Variants in CELF2 observed in about 807,000 individuals in gnomAD.
CELF2 encodes the protein CUGBP Elav-like family member 2.
CELF2 carries 8 observed loss-of-function variants against 62.6 expected under a neutral mutation model. That is an observed-to-expected ratio of 0.13 (90% CI 0.07 to 0.23). The LOEUF is 0.23. Among genes scored for constraint, CELF2 ranks in the 10% least tolerant of loss-of-function variants. The probability of loss-of-function intolerance (pLI) is 1.00; values close to 1 mark genes in which losing one functional copy is unlikely to be tolerated. For missense variants in CELF2, 333 were observed against 671.0 expected, an observed-to-expected ratio of 0.50 and a Z score of 5.56; for synonymous variants, 258 against 250.0, an observed-to-expected ratio of 1.03 and a Z score of -0.30.
chr10:10,741,419 G>A, the CELF2 span, among the ~76,000 whole-genome samples: 1 of 143,706 alleles, frequency 7.0e-6, no homozygotes, highest in Admixed American at 7.4e-5. Flanking sequence ...GCTGAGGAAG[G>A]AGAATTGCTT....
intron 4 of CELF2, among the ~76,000 whole-genome samples, chr10:11,251,620 C>T (rs1377835966): frequency 1.3e-5 from 2 of 152,028 alleles, no homozygotes; most frequent in East Asian, 1.9e-4. Flanking sequence ...GACCCGACTC[C>T]ACGCTTGTTG....
the CELF2 span, among the ~76,000 whole-genome samples, chr10:10,641,581 C>T: frequency 2.6e-5 from 4 of 152,094 alleles, no homozygotes; most frequent in Admixed American, 2.6e-4. Context: ...GCTGGGATTA[C>T]AGGAGACCGC....
intron 1 of CELF2, among the ~76,000 whole-genome samples, chr10:11,090,568 T>G (rs901076405): frequency 6.6e-6 from 1 of 152,324 alleles, no homozygotes; most frequent in Admixed American, 6.5e-5. Context: ...AATTTGGAAA[T>G]GTACATATTG....
In CELF2 at chr10:11,005,856, C is replaced by G. The variant is rs768004053; in HGVS notation, c.53+416C>G. Among the ~76,000 whole-genome samples the G allele has an allele frequency of 6.6e-6, 1 of 152,170 alleles. No individual in the cohort carries two copies. The highest frequency in any genetic ancestry group is 1.5e-5 in the Non-Finnish European group (1 of 68,032). ...CTGAGGAGACTCCATATTAGACTTGCGTTCCAAATACCGCTCTAATCTGGA... is the reference window on the plus strand; with the variant it reads ...CTGAGGAGACTCCATATTAGACTTGGGTTCCAAATACCGCTCTAATCTGGA... On this transcript the variant is annotated intron_variant, in intron 1 of 12. Transcript: ENST00000416382. The surrounding 1 kb of genome is among the most constrained non-coding windows in gnomAD (Gnocchi z 4.3).
the CELF2 span, among the ~76,000 whole-genome samples, chr10:10,653,409 T>C: frequency 1.1e-4 from 16 of 148,320 alleles, no homozygotes; most frequent in Non-Finnish European, 1.9e-4. Context: ...ATCAACAGAA[T>C]ATACAATTTT....
chr10:10,900,716 C>T (rs958479925), intron 1 of CELF2, among the ~76,000 whole-genome samples: 5 of 151,848 alleles, frequency 3.3e-5, no homozygotes, highest in African/African-American at 7.3e-5. Flanking sequence ...GTAGCCAGCG[C>T]GGTCAGAAAG....
chr10:11,156,173 C>A lies in CELF2; in HGVS notation c.75-9313C>A, dbSNP rs538203131. ...GTGGCTGTTCAGGGACAAGTGGACCCAGCGGGCATTTGGAGAAAAATAGGC... is the reference window on the plus strand; with the variant it reads ...GTGGCTGTTCAGGGACAAGTGGACCAAGCGGGCATTTGGAGAAAAATAGGC... On this transcript the variant is annotated intron_variant, in intron 1 of 12. Transcript: ENST00000633077. The surrounding 1 kb of genome is among the most constrained non-coding windows in gnomAD (Gnocchi z 4.3). 6.6e-6 allele frequency among the ~76,000 whole-genome samples: 1 copy of A among 152,190 alleles called. No individual in the cohort carries two copies. Among genetic ancestry groups the A allele is most frequent in the South Asian group, 2.1e-4 (1 of 4,820 alleles).
rs1320264988 is a variant in CELF2, at chr10:11,335,064, T to G, written c.*6011T>G. On this transcript the variant is annotated 3_prime_UTR_variant, in exon 13 of 13. Coordinates refer to ENST00000633077, the MANE Select transcript of CELF2 (RefSeq NM_001326342.2). The surrounding 1 kb of genome is among the most constrained non-coding windows in gnomAD (Gnocchi z 5.0). ...CGGTGGAGGCAGGGGGAGGTAAAGT[T>G]TCTCACACTCAAGTCGTCTTCATAG... is the stretch of plus-strand genomic sequence containing the variant. 6.6e-6 allele frequency: 1 copy of G among 152,152 alleles called. No homozygotes were observed. Among genetic ancestry groups the G allele is most frequent in the Non-Finnish European group, 1.5e-5 (1 of 68,026 alleles). 9.4% of individuals were successfully genotyped at this position (152,152 alleles called of 1,614,324 possible). A position where few individuals can be genotyped will look rare whatever the true frequency, so the allele number is the denominator to read the frequency against.
chr10:10,728,010 G>A, the CELF2 span, among the ~76,000 whole-genome samples: 2 of 152,070 alleles, frequency 1.3e-5, no homozygotes, highest in Non-Finnish European at 2.9e-5. Context: ...CTAGCCACAG[G>A]TAGAGGTGTC....
At chr10:11,151,368 GA>G (rs1372460985) in intron 1 of CELF2, among the ~76,000 whole-genome samples, 1 of 152,200 alleles carries the variant, frequency 6.6e-6, no homozygotes, top group Non-Finnish European at 1.5e-5. Flanking sequence ...GGATAACTGG[GA>G]AAGAGACGAG....
At chr10:11,250,489 G>T (rs1330748336) in intron 4 of CELF2, among the ~76,000 whole-genome samples, 1 of 152,182 alleles carries the variant, frequency 6.6e-6, no homozygotes, top group Non-Finnish European at 1.5e-5. Flanking sequence ...ACCAGAAGTT[G>T]TCAAATCCGC....
At chr10:11,088,935 A>G (rs915360732) in intron 1 of CELF2, among the ~76,000 whole-genome samples, 1 of 152,184 alleles carries the variant, frequency 6.6e-6, no homozygotes, top group African/African-American at 2.4e-5. Flanking sequence ...GGAGCTGGTG[A>G]CTGAAGCACA....
chr10:11,151,305 C>T (rs1281012775), intron 1 of CELF2, among the ~76,000 whole-genome samples: 3 of 152,234 alleles, frequency 2.0e-5, no homozygotes, highest in Admixed American at 6.5e-5. Flanking sequence ...GCTAGTATCC[C>T]GGGCTTTGTG....
the CELF2 span, among the ~76,000 whole-genome samples, chr10:10,597,537 C>T: frequency 6.6e-6 from 1 of 152,102 alleles, no homozygotes; most frequent in Non-Finnish European, 1.5e-5. Context: ...AAAAAATCAA[C>T]TCTAATGACT....
the CELF2 span, among the ~76,000 whole-genome samples, chr10:10,539,448 C>T: frequency 6.8e-6 from 1 of 148,072 alleles, no homozygotes; most frequent in African/African-American, 2.5e-5. Context: ...AACCCCACCG[C>T]CACCCCACCC....
the CELF2 span, among the ~76,000 whole-genome samples, chr10:10,650,643 C>G: frequency 6.6e-6 from 1 of 152,170 alleles, no homozygotes; most frequent in Non-Finnish European, 1.5e-5. Context: ...TTCATACTCT[C>G]TAGGATGGCT....
intron 1 of CELF2, among the ~76,000 whole-genome samples, chr10:11,031,761 A>C (rs1471891695): frequency 6.6e-6 from 1 of 152,090 alleles, no homozygotes; most frequent in Non-Finnish European, 1.5e-5. Flanking sequence ...ATGTATATTC[A>C]CTCCACCCTC....
At position 11,005,491 on chromosome 10, in the gene CELF2, G is replaced by A. The variant is rs1032806156; in HGVS notation, c.53+51G>A. The A allele has an allele frequency of 1.9e-6, 3 of 1,613,474 alleles. No individual in the cohort carries two copies. The highest frequency in any genetic ancestry group is 1.3e-5 in the African/African-American group (1 of 74,868). Reference sequence around the variant, plus strand: ...AATGCACGCTTTTCTAGTTTCTAGAGCTGGCTGAGACAATAATTATGCTCT... The same window carrying A: ...AATGCACGCTTTTCTAGTTTCTAGAACTGGCTGAGACAATAATTATGCTCT... On this transcript the variant is annotated intron_variant, in intron 1 of 12. Coordinates refer to the CELF2 transcript ENST00000416382. This position sits in a 1 kb window ranked among gnomAD's most constrained non-coding sequence, Gnocchi z 4.3.
At chr10:11,308,256 T>C (rs990706382) in intron 9 of CELF2, among the ~76,000 whole-genome samples, 2 of 152,260 alleles carry the variant, frequency 1.3e-5, no homozygotes, top group Non-Finnish European at 2.9e-5. Flanking sequence ...CCATTTATCC[T>C]ACTTGGAGTT....
Sources: gnomAD v4.1 joint callset for allele counts (sites outside exome capture counted in the v4.1 genomes callset) on GRCh38, gnomAD v4.1.1 for gene constraint, Gnocchi (gnomAD v3.1) non-coding constraint, MANE v1.5 for transcripts, NCBI Gene and HGNC (gene_info 2026-07-23, HGNC 2026-07-21) for gene names.